The following LAMA2 variants were observed in gnomAD, a reference collection of about 807,000 sequenced individuals.
The protein encoded by LAMA2 is laminin subunit alpha 2.
LAMA2 carries 269 observed loss-of-function variants against 364.8 expected under a neutral mutation model. That is an observed-to-expected ratio of 0.74 (90% confidence interval 0.67 to 0.82). LAMA2 has a LOEUF of 0.82. LAMA2 is among the 40% of genes least tolerant of loss of function. The probability of loss-of-function intolerance (pLI) is 0.00; values close to 1 mark genes in which losing one functional copy is unlikely to be tolerated. For synonymous variants in LAMA2, 1,379 were observed against 1,370.6 expected, an observed-to-expected ratio of 1.01 and a Z score of -0.14; for missense variants, 3,807 against 3,873.2, an observed-to-expected ratio of 0.98 and a Z score of 0.45.
At chr6:129,392,251 CT>C (rs763409332) in intron 36 of LAMA2, among the ~76,000 whole-genome samples, 3 of 152,192 alleles carry the variant, frequency 2.0e-5, no homozygotes, top group Non-Finnish European at 4.4e-5. Context: ...ATAGATACAT[CT>C]CTACATTCAT....
At chr6:129,108,546 C>T (rs974372223) in intron 4 of LAMA2, among the ~76,000 whole-genome samples, 1 of 151,626 alleles carries the variant, frequency 6.6e-6, no homozygotes, top group Non-Finnish European at 1.5e-5. Context: ...ATTCCTTAAT[C>T]CCGCCCCTCT....
chr6:129,158,388 T>C, intron 8 of LAMA2: 1 of 1,613,992 alleles, frequency 6.2e-7, no homozygotes, highest in Non-Finnish European at 8.5e-7. Flanking sequence ...TACTTCTCCA[T>C]ATCGGCCTTT....
At chr6:129,288,128 T>C in intron 19 of LAMA2, 70 bp downstream of exon 19, 1 of 1,303,458 alleles carries the variant, frequency 7.7e-7, no homozygotes, top group East Asian at 2.3e-5. Flanking sequence ...GATGAGTTCT[T>C]GAGTGTGGAT....
chr6:129,493,823 G>C (rs1180879478), intron 58 of LAMA2, among the ~76,000 whole-genome samples: 1 of 152,122 alleles, frequency 6.6e-6, no homozygotes. Context: ...ATTCTAGCGA[G>C]TCAGACTCCA....
chr6:129,500,833 T>G (rs1016769120), intron 58 of LAMA2, among the ~76,000 whole-genome samples: 3 of 152,106 alleles, frequency 2.0e-5, no homozygotes, highest in Non-Finnish European at 1.5e-5. Context: ...ACCTTGAAAA[T>G]TTTTTAAATT....
intron 12 of LAMA2, among the ~76,000 whole-genome samples, chr6:129,199,656 C>T (rs1295969840): frequency 6.6e-6 from 1 of 152,024 alleles, no homozygotes; most frequent in East Asian, 1.9e-4. Context: ...ATACAAAAGT[C>T]AATCATGTTT....
intron 35 of LAMA2, among the ~76,000 whole-genome samples, chr6:129,389,278 T>C (rs910847464): frequency 1.3e-5 from 2 of 152,216 alleles, no homozygotes; most frequent in African/African-American, 4.8e-5. Context: ...ATGGCTGTCT[T>C]AGCCCATTTG....
At chr6:128,951,053 A>G (rs532079417) in intron 1 of LAMA2, among the ~76,000 whole-genome samples, 2 of 152,214 alleles carry the variant, frequency 1.3e-5, no homozygotes, top group African/African-American at 2.4e-5. Context: ...TAGTCACATA[A>G]TATTTGAGAG....
At chr6:129,044,501 G>C (rs1156921494) in intron 1 of LAMA2, among the ~76,000 whole-genome samples, 1 of 151,310 alleles carries the variant, frequency 6.6e-6, no homozygotes, top group Non-Finnish European at 1.5e-5. Flanking sequence ...CAGAATTTCA[G>C]TTTTTCAAAT....
At chr6:129,017,635 T>TTGACTAGCATG (rs1229210980) in intron 1 of LAMA2, among the ~76,000 whole-genome samples, 2 of 152,066 alleles carry the variant, frequency 1.3e-5, no homozygotes, top group Non-Finnish European at 2.9e-5. Flanking sequence ...ATTACTGCCA[T>TTGACTAGCATG]TGACTAGCCA....
At chr6:129,224,774 G>T (rs1399436325) in intron 12 of LAMA2, among the ~76,000 whole-genome samples, 1 of 152,140 alleles carries the variant, frequency 6.6e-6, no homozygotes, top group Non-Finnish European at 1.5e-5. Flanking sequence ...ATGTTCATCA[G>T]GGATATTAGT....
chr6:129,426,383 CAA>C (rs1781325195), intron 40 of LAMA2, among the ~76,000 whole-genome samples: 1 of 151,830 alleles, frequency 6.6e-6, no homozygotes, highest in Admixed American at 6.6e-5. Flanking sequence ...AAATTTGGAA[CAA>C]ATATAGAATC....
At chr6:128,929,854 T>C (rs1435853417) in intron 1 of LAMA2, 2 of 1,007,430 alleles carry the variant, frequency 2.0e-6, no homozygotes, top group Non-Finnish European at 3.1e-6. Context: ...AAAACTTGCC[T>C]GAAGACTTCC....
chr6:129,382,548 G>A (rs1778752218), intron 34 of LAMA2, among the ~76,000 whole-genome samples: 1 of 152,160 alleles, frequency 6.6e-6, no homozygotes, highest in Non-Finnish European at 1.5e-5. Context: ...ATATGGAAAA[G>A]TTAGCATTTA....
chr6:129,024,094 GA>G (rs1455382901), intron 1 of LAMA2, among the ~76,000 whole-genome samples: 8 of 152,204 alleles, frequency 5.3e-5, no homozygotes, highest in Admixed American at 3.3e-4. Flanking sequence ...AAGTATCTGG[GA>G]AAAGTCCGGT....
At chr6:129,348,081 T>C (rs1047321023) in intron 30 of LAMA2, among the ~76,000 whole-genome samples, 1 of 152,234 alleles carries the variant, frequency 6.6e-6, no homozygotes, top group Non-Finnish European at 1.5e-5. Context: ...CATGCACAGA[T>C]GCAGTCAGTA....
intron 10 of LAMA2, among the ~76,000 whole-genome samples, chr6:129,179,147 T>A (rs1780784995): frequency 6.6e-6 from 1 of 151,946 alleles, no homozygotes; most frequent in Non-Finnish European, 1.5e-5. Context: ...ACACCTCCCC[T>A]CTCCATCTTG....
chr6:129,204,718 C>T (rs1439386245), intron 12 of LAMA2, among the ~76,000 whole-genome samples: 1 of 152,078 alleles, frequency 6.6e-6, no homozygotes, highest in African/African-American at 2.4e-5. Flanking sequence ...GCAGCCCTAG[C>T]AAACCAATAC....
At chr6:129,285,902 A>G (rs1789077822) in intron 18 of LAMA2, among the ~76,000 whole-genome samples, 1 of 152,110 alleles carries the variant, frequency 6.6e-6, no homozygotes, top group Admixed American at 6.6e-5. Context: ...AGTGTATAAA[A>G]TCTTTTGTGA....
Sources: allele counts gnomAD v4.1 joint callset (sites outside exome capture counted in the v4.1 genomes callset), GRCh38; gene constraint gnomAD v4.1.1; transcripts MANE v1.5; gene names NCBI Gene and HGNC (gene_info 2026-07-23, HGNC 2026-07-21).